Variants in BCAS3 observed in about 807,000 individuals in gnomAD.
BCAS3 encodes BCAS3 microtubule associated cell migration factor.
In BCAS3, 53 loss-of-function variants were observed where a neutral mutation model predicts 116.1. That is an observed-to-expected ratio of 0.46 (90% confidence interval 0.37 to 0.57). BCAS3 has a LOEUF of 0.57. Ranked by LOEUF, BCAS3 falls within the 20% of genes least tolerant of loss-of-function variation. BCAS3 has a pLI of 0.00. For synonymous variants in BCAS3, 391 were observed against 408.2 expected (o/e 0.96, Z 0.51); for missense variants, 917 against 1,165.4 (o/e 0.79, Z 3.10).
intron 7 of BCAS3, among the ~76,000 whole-genome samples, chr17:60,825,832 TC>T (rs1272219502): frequency 4.0e-5 from 6 of 151,080 alleles, no homozygotes; most frequent in Non-Finnish European, 7.4e-5. Context: ...AGGCCCCACT[TC>T]TTAATACTAT....
Position 61,390,549 on chromosome 17 carries a change from G to A in BCAS3, c.2594-1428G>A, listed in dbSNP as rs764073415. 6.6e-6 allele frequency: 1 copy of A among 151,596 alleles called. No homozygotes were observed. The highest frequency in any genetic ancestry group is 6.6e-5 in the Admixed American group (1 of 15,194). The allele number at this position is 151,596 out of a possible 1,614,324, so 9.4% of individuals were successfully genotyped here. On this transcript the variant is annotated intron_variant, in intron 23 of 23. Transcript: ENST00000407086. This position sits in a 1 kb window ranked among gnomAD's most constrained non-coding sequence, Gnocchi z 6.8. ...ACCCCGGCGACAGACTCGGCTGATG[G>A]ATCCCAAGGGCCCCTCCCCTCCCCA...
chr17:60,910,029 A>G (rs1219204529), intron 11 of BCAS3, among the ~76,000 whole-genome samples: 1 of 152,176 alleles, frequency 6.6e-6, no homozygotes, highest in East Asian at 1.9e-4. Context: ...ATATAACAGC[A>G]TATTCATAGA....
chr17:60,822,438 A>G (rs1271312153), intron 7 of BCAS3, among the ~76,000 whole-genome samples: 1 of 152,112 alleles, frequency 6.6e-6, no homozygotes, highest in Non-Finnish European at 1.5e-5. Context: ...CGTTTATAAT[A>G]TTGTTTACCT....
intron 15 of BCAS3, among the ~76,000 whole-genome samples, chr17:60,999,521 T>C (rs559886057): frequency 7.4e-6 from 1 of 134,948 alleles, no homozygotes; most frequent in African/African-American, 2.9e-5. Context: ...CACTCCAGCC[T>C]GGGCGACAGG....
At chr17:60,725,479 G>A (rs953936611) in intron 5 of BCAS3, among the ~76,000 whole-genome samples, 2 of 152,196 alleles carry the variant, frequency 1.3e-5, no homozygotes, top group African/African-American at 4.8e-5. Flanking sequence ...AATAAAGTAA[G>A]ATGTGAGCAT....
intron 4 of BCAS3, among the ~76,000 whole-genome samples, chr17:60,695,119 A>ATTTTT (rs61173709): frequency 3.9e-5 from 5 of 129,162 alleles, no homozygotes; most frequent in African/African-American, 1.2e-4. Flanking sequence ...TATATACCAC[A>ATTTTT]TTTTTTTTTT....
At chr17:60,802,371 C>CATACATATATATATATATATATATAT (rs1555724685) in intron 6 of BCAS3, among the ~76,000 whole-genome samples, 1 of 111,946 alleles carries the variant, frequency 8.9e-6, no homozygotes, top group African/African-American at 3.8e-5. Context: ...TACATACATA[C>CATACATATATATATATATATATATAT]ATATATATAT....
chr17:61,137,422 A>G (rs551470121), intron 22 of BCAS3, among the ~76,000 whole-genome samples: 7 of 152,250 alleles, frequency 4.6e-5, no homozygotes, highest in Non-Finnish European at 1.0e-4. Context: ...GTATGTGCAT[A>G]TAGCAAATAT....
rs763821974 is a variant in BCAS3 at position 60,990,072 on chromosome 17, T to C, written c.1323T>C (p.Pro441=). Reference sequence around the variant, plus strand: ...CCATCAACCCTTATGGTGGCCAGCCTTGTGTTCGTACACATATGTCACCAC... The same window carrying C: ...CCATCAACCCTTATGGTGGCCAGCCCTGTGTTCGTACACATATGTCACCAC... The part of the protein sequence containing the change: ...VFPINPYGGQ[P]CVRTHMSPRV... Residue 441 remains proline, a synonymous_variant, in exon 15 of 24, where the codon CCT becomes CCC. Coordinates refer to ENST00000407086, the MANE Select transcript of BCAS3 (RefSeq NM_017679.5). This position sits in a 1 kb window ranked among gnomAD's most constrained non-coding sequence, Gnocchi z 5.1. 3.1e-6 allele frequency: 5 copies of C among 1,614,092 alleles called. No homozygotes were observed. The highest frequency in any genetic ancestry group is 3.4e-6 in the Non-Finnish European group (4 of 1,180,046).
At chr17:60,769,205 G>A (rs1474368063) in intron 6 of BCAS3, among the ~76,000 whole-genome samples, 5 of 152,140 alleles carry the variant, frequency 3.3e-5, no homozygotes, top group African/African-American at 4.8e-5. Flanking sequence ...GGGCCCCTTG[G>A]TAGTGCATTC....
intron 22 of BCAS3, among the ~76,000 whole-genome samples, chr17:61,342,578 A>C (rs933137230): frequency 6.6e-6 from 1 of 152,190 alleles, no homozygotes; most frequent in Admixed American, 6.5e-5. Context: ...ATGCTTACAC[A>C]GGTAGAGAGC....
chr17:60,861,551 G>A (rs899243484), intron 7 of BCAS3, among the ~76,000 whole-genome samples: 11 of 152,106 alleles, frequency 7.2e-5, no homozygotes, highest in African/African-American at 2.4e-4. Context: ...GTGAGAGTAG[G>A]CGTCTTTGTC....
intron 22 of BCAS3, among the ~76,000 whole-genome samples, chr17:61,237,475 C>A (rs745593076): frequency 2.6e-5 from 4 of 152,212 alleles, no homozygotes; most frequent in Admixed American, 6.5e-5. Flanking sequence ...CCCACTGAGG[C>A]CCCCTAGCAG....
intron 6 of BCAS3, among the ~76,000 whole-genome samples, chr17:60,760,910 T>C (rs2043461830): frequency 6.6e-6 from 1 of 152,114 alleles, no homozygotes; most frequent in African/African-American, 2.4e-5. Flanking sequence ...TTTTTCATCC[T>C]TTTTTCTTTA....
At chr17:60,996,214 C>G (rs1397748436) in intron 15 of BCAS3, among the ~76,000 whole-genome samples, 1 of 152,068 alleles carries the variant, frequency 6.6e-6, no homozygotes, top group Non-Finnish European at 1.5e-5. Context: ...TTTGGCAGGA[C>G]TAGAATGGAG....
chr17:61,308,840 C>T (rs750782166), intron 22 of BCAS3, among the ~76,000 whole-genome samples: 2 of 152,174 alleles, frequency 1.3e-5, no homozygotes, highest in Non-Finnish European at 1.5e-5. Context: ...ATAACAGAAA[C>T]ATTCACCTTC....
At chr17:61,123,522 C>T (rs1477333954) in intron 22 of BCAS3, among the ~76,000 whole-genome samples, 1 of 152,054 alleles carries the variant, frequency 6.6e-6, no homozygotes, top group South Asian at 2.1e-4. Flanking sequence ...CACCCTTGAG[C>T]AAACCCAGCC....
intron 6 of BCAS3, among the ~76,000 whole-genome samples, chr17:60,748,008 A>C (rs1322904479): frequency 6.6e-6 from 1 of 152,004 alleles, no homozygotes; most frequent in African/African-American, 2.4e-5. Flanking sequence ...TCCTGTGTTC[A>C]CTCAAGCATG....
At chr17:60,999,111 C>T (rs554327817) in intron 15 of BCAS3, among the ~76,000 whole-genome samples, 80 of 152,150 alleles carry the variant, frequency 5.3e-4, no homozygotes, top group African/African-American at 1.8e-3. Context: ...TCGACTTTGT[C>T]GAAGAATATC....
Sources: allele counts gnomAD v4.1 joint callset (sites outside exome capture counted in the v4.1 genomes callset), GRCh38; gene constraint gnomAD v4.1.1; non-coding constraint Gnocchi (gnomAD v3.1); transcripts MANE v1.5; gene names NCBI Gene and HGNC (gene_info 2026-07-23, HGNC 2026-07-21).